The following SH3KBP1 variants were observed in gnomAD, a reference collection of about 807,000 sequenced individuals.
SH3KBP1 encodes the protein SH3 domain containing kinase binding protein 1.
A neutral mutation model predicts 50.1 loss-of-function variants in SH3KBP1; 8 were observed. The observed-to-expected ratio is 0.16, with a 90% CI of 0.09 to 0.29. SH3KBP1 has a LOEUF of 0.29. Ranked by LOEUF, SH3KBP1 falls within the 10% of genes least tolerant of loss-of-function variation. The pLI is 1.00. For missense variants in SH3KBP1, 377 were observed against 535.2 expected, an observed-to-expected ratio of 0.70 and a Z score of 2.92; for synonymous variants, 227 against 218.6, an observed-to-expected ratio of 1.04 and a Z score of -0.34.
chrX:19,680,792 G>A (rs1343563681), intron 6 of SH3KBP1, among the ~76,000 whole-genome samples: 2 of 111,936 alleles, frequency 1.8e-5, no homozygotes, highest in Non-Finnish European at 3.8e-5. Context: ...ACAACATGGG[G>A]TGGAGATAGT....
chrX:19,730,003 T>C (rs773169189), intron 3 of SH3KBP1, among the ~76,000 whole-genome samples: 1 of 108,399 alleles, frequency 9.2e-6, no homozygotes, highest in Admixed American at 9.8e-5. Flanking sequence ...AACTGAGCGA[T>C]TTTTTTTTTC....
chrX:19,878,505 T>TGTGTGTGTGTGTGTGA (rs1491094714), intron 1 of SH3KBP1, among the ~76,000 whole-genome samples: 4 of 48,255 alleles, frequency 8.3e-5, no homozygotes, highest in African/African-American at 2.4e-4. Flanking sequence ...TGTGTGTGTG[T>TGTGTGTGTGTGTGTGA]GAGAGAGAGA....
chrX:19,829,628 C>T (rs1275694293), intron 2 of SH3KBP1, among the ~76,000 whole-genome samples: 1 of 106,810 alleles, frequency 9.4e-6, no homozygotes, highest in Non-Finnish European at 1.9e-5. Context: ...CACCTGTAGT[C>T]CCAGCTACTC....
intron 3 of SH3KBP1, among the ~76,000 whole-genome samples, chrX:19,718,395 G>A (rs2063968466): frequency 8.9e-6 from 1 of 111,797 alleles, no homozygotes; most frequent in Admixed American, 9.5e-5. Context: ...GGGGGTATAT[G>A]TACACGGACA....
intron 12 of SH3KBP1, among the ~76,000 whole-genome samples, chrX:19,578,188 C>A (rs1251565682): frequency 9.0e-6 from 1 of 111,640 alleles, no homozygotes; most frequent in East Asian, 2.8e-4. Flanking sequence ...TTGGGGTACA[C>A]GTGATTTTTG....
chrX:19,574,747 G>C (rs1410363917), intron 12 of SH3KBP1, among the ~76,000 whole-genome samples: 1 of 112,401 alleles, frequency 8.9e-6, no homozygotes, highest in African/African-American at 3.2e-5. Flanking sequence ...CCACAGACTT[G>C]AGTATAGTGT....
chrX:19,786,743 T>C (rs1271084188), intron 2 of SH3KBP1, among the ~76,000 whole-genome samples: 5 of 112,209 alleles, frequency 4.5e-5, no homozygotes, highest in Non-Finnish European at 7.5e-5. Flanking sequence ...AGGCAACTTC[T>C]AGTTTCTTTA....
chrX:19,700,919 G>C (rs1043078071), intron 4 of SH3KBP1, among the ~76,000 whole-genome samples: 15 of 112,146 alleles, frequency 1.3e-4, no homozygotes, highest in African/African-American at 4.5e-4. Context: ...TCACTCTTCT[G>C]AGAACAAGGC....
chrX:19,783,520 ATCCCTTAATCAACCTCTC>A (rs772764835), intron 2 of SH3KBP1, among the ~76,000 whole-genome samples: 28 of 111,031 alleles, frequency 2.5e-4, no homozygotes, highest in Non-Finnish European at 4.2e-4. Context: ...GTAATTCTGT[ATCCCTTAATCAACCTCTC>A]CCTACCCTCC....
chrX:19,814,368 G>A (rs768764023), intron 2 of SH3KBP1, among the ~76,000 whole-genome samples: 2 of 110,980 alleles, frequency 1.8e-5, no homozygotes, highest in East Asian at 5.7e-4. Flanking sequence ...AACATCTCTG[G>A]TCGCATCAGC....
intron 2 of SH3KBP1, among the ~76,000 whole-genome samples, chrX:19,819,329 T>A (rs1294280192): frequency 9.0e-6 from 1 of 111,348 alleles, no homozygotes; most frequent in African/African-American, 3.3e-5. Context: ...CCCATTTTAT[T>A]GATCTTTTTA....
intron 1 of SH3KBP1, among the ~76,000 whole-genome samples, chrX:19,878,505 T>TGTGTGTGTGTGAGAGAGAGA (rs1491094714): frequency 2.1e-5 from 1 of 48,214 alleles, no homozygotes; most frequent in African/African-American, 6.0e-5. Context: ...TGTGTGTGTG[T>TGTGTGTGTGTGAGAGAGAGA]GAGAGAGAGA....
intron 10 of SH3KBP1, among the ~76,000 whole-genome samples, chrX:19,593,267 T>C (rs2066801793): frequency 9.0e-6 from 1 of 111,382 alleles, no homozygotes; most frequent in Non-Finnish European, 1.9e-5. Flanking sequence ...GTTCCAAAGA[T>C]GGGTGCTTGG....
chrX:19,595,969 G>T (rs937296667), intron 9 of SH3KBP1, among the ~76,000 whole-genome samples: 2 of 112,062 alleles, frequency 1.8e-5, no homozygotes, highest in Non-Finnish European at 3.8e-5. Flanking sequence ...AGGGCCACCT[G>T]CCCTTACACA....
intron 2 of SH3KBP1, among the ~76,000 whole-genome samples, chrX:19,810,931 A>C (rs1363002810): frequency 1.8e-5 from 2 of 112,147 alleles, no homozygotes; most frequent in Non-Finnish European, 3.8e-5. Context: ...GTCAATAAGC[A>C]CAAAGAAGTG....
chrX:19,566,606 A>C (rs767183719), intron 13 of SH3KBP1, among the ~76,000 whole-genome samples: 1 of 111,575 alleles, frequency 9.0e-6, no homozygotes, highest in East Asian at 2.9e-4. Flanking sequence ...GTAGAACCGG[A>C]ACTTAGGCTC....
At chrX:19,736,299 G>T (rs771302982) in intron 3 of SH3KBP1, among the ~76,000 whole-genome samples, 11 of 111,682 alleles carry the variant, frequency 9.8e-5, no homozygotes, top group African/African-American at 3.6e-4. Flanking sequence ...TGCCCTGAAG[G>T]AATTAACAAG....
chrX:19,775,333 G>T (rs1307311961), intron 2 of SH3KBP1, among the ~76,000 whole-genome samples: 1 of 111,897 alleles, frequency 8.9e-6, no homozygotes, highest in African/African-American at 3.3e-5. Context: ...ATGTTCACTT[G>T]GTTTCTAAAC....
chrX:19,746,194 T>C, intron 3 of SH3KBP1, 124 bp downstream of exon 3: 1 of 814,170 alleles, frequency 1.2e-6, no homozygotes, highest in East Asian at 3.2e-5. Flanking sequence ...CCAAAATATA[T>C]ACCAAAAACC....
Sources: allele counts gnomAD v4.1 joint callset (sites outside exome capture counted in the v4.1 genomes callset), GRCh38; gene constraint gnomAD v4.1.1; transcripts MANE v1.5; gene names NCBI Gene and HGNC (gene_info 2026-07-23, HGNC 2026-07-21).